ADGRL2: variants seen among roughly 807,000 people sequenced by gnomAD.
ADGRL2 encodes adhesion G protein-coupled receptor L2.
In ADGRL2, 44 loss-of-function variants were observed where a neutral mutation model predicts 157.4. The observed-to-expected ratio is 0.28, with a 90% CI of 0.22 to 0.36. The LOEUF (loss-of-function observed/expected upper bound fraction) is 0.36. Ranked by LOEUF, ADGRL2 falls within the 10% of genes least tolerant of loss-of-function variation. The pLI, the probability that ADGRL2 is intolerant of heterozygous loss-of-function variation, is 1.00. For missense variants in ADGRL2, 1,510 were observed against 1,768.9 expected, an observed-to-expected ratio of 0.85 and a Z score of 2.63; for synonymous variants, 585 against 624.7, an observed-to-expected ratio of 0.94 and a Z score of 0.95.
At chr1:81,486,092 G>T (rs1310760047) in intron 2 of ADGRL2, among the ~76,000 whole-genome samples, 1 of 152,184 alleles carries the variant, frequency 6.6e-6, no homozygotes, top group East Asian at 1.9e-4. Context: ...GGAAGGGATT[G>T]TAATTTGTAA....
intron 2 of ADGRL2, among the ~76,000 whole-genome samples, chr1:81,513,478 C>T (rs1183816204): frequency 1.3e-5 from 2 of 152,124 alleles, no homozygotes; most frequent in Non-Finnish European, 2.9e-5. Context: ...ACAAAACACT[C>T]TGTGAAGTAA....
At chr1:81,901,937 C>T (rs980328108) in intron 2 of ADGRL2, among the ~76,000 whole-genome samples, 2 of 152,110 alleles carry the variant, frequency 1.3e-5, no homozygotes, top group Non-Finnish European at 2.9e-5. Context: ...AGGACATGCC[C>T]GTGCCACAGC....
At chr1:81,506,984 T>A (rs1270775896) in intron 2 of ADGRL2, among the ~76,000 whole-genome samples, 1 of 152,120 alleles carries the variant, frequency 6.6e-6, no homozygotes, top group African/African-American at 2.4e-5. Context: ...AACTCTCCCT[T>A]GGCAGACTGT....
At chr1:81,854,274 G>A (rs1192600649) in intron 2 of ADGRL2, among the ~76,000 whole-genome samples, 3 of 152,136 alleles carry the variant, frequency 2.0e-5, no homozygotes, top group African/African-American at 7.2e-5. Flanking sequence ...TATCCTGTCA[G>A]CTTTGATTTA....
intron 1 of ADGRL2, among the ~76,000 whole-genome samples, chr1:81,402,829 C>A (rs142077407): frequency 6.6e-6 from 1 of 152,178 alleles, no homozygotes; most frequent in Non-Finnish European, 1.5e-5. Flanking sequence ...ACCATCACCC[C>A]CAAAGAGCCC....
At chr1:81,816,518 A>G (rs562426298) in intron 1 of ADGRL2, among the ~76,000 whole-genome samples, 1 of 152,014 alleles carries the variant, frequency 6.6e-6, no homozygotes, top group African/African-American at 2.4e-5. Context: ...ATTTTTCACT[A>G]CTTGCCATGC....
chr1:81,576,348 T>C (rs2080797750), intron 2 of ADGRL2, among the ~76,000 whole-genome samples: 1 of 152,178 alleles, frequency 6.6e-6, no homozygotes, highest in Non-Finnish European at 1.5e-5. Context: ...TTTCTCTCTT[T>C]ATTTATTTTT....
Position 81,936,846 on chromosome 1 carries a change from G to T in ADGRL2, c.397+9G>T. 6.6e-7 allele frequency: 1 copy of T among 1,518,206 alleles called. No homozygotes were observed. The highest frequency in any genetic ancestry group is 9.1e-7 in the Non-Finnish European group (1 of 1,093,516). The allele number at this position is 1,518,206 out of a possible 1,614,324, so 94.0% of individuals were successfully genotyped here. A position where few individuals can be genotyped will look rare whatever the true frequency, so the allele number is the denominator to read the frequency against. ...TGAATGTGTCCCTTACAGTAAGTAT[G>T]CAGTTTATATTTTTTTACACTTTGC... On this transcript the variant is annotated intron_variant, in intron 4 of 23. Coordinates refer to ENST00000686636, the MANE Select transcript of ADGRL2 (RefSeq NM_001366006.2).
intron 3 of ADGRL2, among the ~76,000 whole-genome samples, chr1:81,650,402 C>T (rs963117045): frequency 6.6e-6 from 1 of 151,692 alleles, no homozygotes; most frequent in Admixed American, 6.6e-5. Flanking sequence ...AAAAAAACCC[C>T]ATCTCTACTA....
At chr1:81,461,893 T>C (rs1020716418) in intron 2 of ADGRL2, among the ~76,000 whole-genome samples, 1 of 117,034 alleles carries the variant, frequency 8.5e-6, no homozygotes, top group Non-Finnish European at 1.6e-5. Flanking sequence ...CAGAAAAGAA[T>C]GGCTGATAGT....
chr1:81,315,435 G>T (rs1430032373), intron 1 of ADGRL2, among the ~76,000 whole-genome samples: 2 of 151,990 alleles, frequency 1.3e-5, no homozygotes, highest in East Asian at 3.9e-4. Context: ...ACCACTGGGG[G>T]TCTTTTATAA....
chr1:81,430,594 G>T (rs1188825803), intron 1 of ADGRL2, among the ~76,000 whole-genome samples: 2 of 152,172 alleles, frequency 1.3e-5, no homozygotes, highest in Admixed American at 1.3e-4. Flanking sequence ...ATTCTGAGAT[G>T]ATGTCTTTCC....
chr1:81,512,537 G>A (rs758594995), intron 2 of ADGRL2, among the ~76,000 whole-genome samples: 7 of 152,082 alleles, frequency 4.6e-5, no homozygotes, highest in Admixed American at 1.3e-4. Context: ...ACAATTGTTC[G>A]GGTATCTTGG....
rs771216904 is a variant in ADGRL2 at position 81,952,085 on chromosome 1, A to C, written c.1737A>C (p.Ala579=). 6.2e-7 allele frequency: 1 copy of C among 1,613,482 alleles called. No individual in the cohort carries two copies. Among genetic ancestry groups the C allele is most frequent in the Non-Finnish European group, 8.5e-7 (1 of 1,179,558 alleles). Reference sequence around the variant, plus strand: ...AGCAGTTGGTGGACATCCTTGATGCACAGCTGCAGGAACTGAAACCTAGTG... The same window carrying C: ...AGCAGTTGGTGGACATCCTTGATGCCCAGCTGCAGGAACTGAAACCTAGTG... ...LMEQLVDILD[A]QLQELKPSEK... Residue 579 remains alanine (A), a synonymous_variant, in exon 9 of 24, where the codon GCA becomes GCC. Transcript: ENST00000686636.
At position 81,609,590 on chromosome 1, in the gene ADGRL2, C is replaced by A. The variant is rs181375149; in HGVS notation, c.-143+28610C>A. On this transcript the variant is annotated intron_variant, in intron 3 of 24. Coordinates refer to the ADGRL2 transcript ENST00000370721. ...CAAGCATGAGAGAGTTGATAAAACC[C>A]GTTCTGTGTCTTGATGGAGCACCAC... 2.0e-5 allele frequency among the ~76,000 whole-genome samples: 3 copies of A among 152,074 alleles called. No individual in the cohort carries two copies. The South Asian group carries it at 6.2e-4, about 32-fold the overall frequency.
chr1:81,959,314 GTGTT>G (rs1654584066), intron 11 of ADGRL2, among the ~76,000 whole-genome samples: 1 of 152,114 alleles, frequency 6.6e-6, no homozygotes, highest in Non-Finnish European at 1.5e-5. Flanking sequence ...CTTTTATGAA[GTGTT>G]TGTTCATATC....
chr1:81,333,780 A>G (rs558476413), intron 1 of ADGRL2, among the ~76,000 whole-genome samples: 1 of 151,816 alleles, frequency 6.6e-6, no homozygotes, highest in East Asian at 1.9e-4. Context: ...AAAAAAAAAA[A>G]TTCCTTACTT....
rs779451501 is a variant in ADGRL2, at chr1:81,990,667, T to C, written c.3932T>C (p.Ile1311Thr). 6.2e-7 allele frequency: 1 copy of C among 1,614,176 alleles called. No individual in the cohort carries two copies. Among genetic ancestry groups the C allele is most frequent in the East Asian group, 2.2e-5 (1 of 44,876 alleles). Residue 1311 changes from isoleucine to threonine, a missense_variant, in exon 24 of 24, where the codon ATT (isoleucine) becomes ACT (threonine). Around this residue, in one of 4 missense-constraint regions of ADGRL2, gnomAD observed 327 missense variants for 310.1 expected, o/e 1.05. Coordinates refer to ENST00000686636, the MANE Select transcript of ADGRL2 (RefSeq NM_001366006.2). ...GGTAGCAGCAGTGAAGATGATGCTATTGTGGCAGATGCTTCATCTTTAATG... is the reference window on the plus strand; with the variant it reads ...GGTAGCAGCAGTGAAGATGATGCTACTGTGGCAGATGCTTCATCTTTAATG... Reference protein sequence around the residue: ...IGGSSSEDDAIVADASSLMHS... With the variant: ...IGGSSSEDDATVADASSLMHS...
intron 2 of ADGRL2, chr1:81,557,482 G>GAAAAGAAAGAAAGAAAGA (rs370696204): frequency 8.3e-6 from 1 of 119,968 alleles, no homozygotes; most frequent in African/African-American, 3.1e-5. Context: ...AAGAAAGAAA[G>GAAAAGAAAGAAAGAAAGA]AAGAAAGAAA....
Sources: allele counts gnomAD v4.1 joint callset (sites outside exome capture counted in the v4.1 genomes callset), GRCh38; gene constraint gnomAD v4.1.1; regional missense constraint gnomAD v4.1.1; transcripts MANE v1.5; gene names NCBI Gene and HGNC (gene_info 2026-07-23, HGNC 2026-07-21).